KAT6A: variants seen among roughly 807,000 people sequenced by gnomAD.
The protein encoded by KAT6A is histone acetyltransferase KAT6A.
KAT6A carries 9 observed loss-of-function variants against 198.4 expected under a neutral mutation model. That is an observed-to-expected ratio of 0.05 (90% CI 0.03 to 0.08). The LOEUF (loss-of-function observed/expected upper bound fraction) is 0.08, where lower values mean the gene tolerates loss of function less well. Ranked by LOEUF, KAT6A falls within the 10% of genes least tolerant of loss-of-function variation. The probability of loss-of-function intolerance (pLI) is 1.00; values close to 1 mark genes in which losing one functional copy is unlikely to be tolerated. For missense variants in KAT6A, 2,077 were observed against 2,509.9 expected (o/e 0.83, Z 3.69); for synonymous variants, 890 against 883.0 (o/e 1.01, Z -0.14).
At chr8:41,994,583 C>T (rs1825101430) in intron 2 of KAT6A, among the ~76,000 whole-genome samples, 1 of 152,104 alleles carries the variant, frequency 6.6e-6, no homozygotes, top group African/African-American at 2.4e-5. Context: ...TCTAGCATTT[C>T]AAAGCAACCC....
intron 2 of KAT6A, among the ~76,000 whole-genome samples, chr8:42,002,448 C>T (rs1237653996): frequency 6.6e-6 from 1 of 152,184 alleles, no homozygotes; most frequent in Admixed American, 6.5e-5. Flanking sequence ...GTAATCCCAG[C>T]TACTCGGGAG....
At chr8:41,993,294 T>G (rs1825031491) in intron 2 of KAT6A, among the ~76,000 whole-genome samples, 1 of 152,176 alleles carries the variant, frequency 6.6e-6, no homozygotes, top group African/African-American at 2.4e-5. Flanking sequence ...ATAATCCCAG[T>G]CTTAGACCGT....
At chr8:42,043,013 A>ATAT (rs1286783169) in intron 2 of KAT6A, among the ~76,000 whole-genome samples, 1 of 152,204 alleles carries the variant, frequency 6.6e-6, no homozygotes, top group Non-Finnish European at 1.5e-5. Flanking sequence ...CCCACTAAAC[A>ATAT]TATTATTATT....
chr8:41,933,301 A>C lies in KAT6A; in HGVS notation c.4919T>G (p.Val1640Gly). The stretch of plus-strand genomic sequence containing the variant: ...CTGCTGGTTACTGGGAGGCCTCTCC[A>C]CCACGCAGCTCTGAGGTGACTTGAT... Reference protein sequence around the residue: ...CSIKSPQSCVVERPPSNQQQQ... With the variant: ...CSIKSPQSCVGERPPSNQQQQ... Residue 1640 changes from valine to glycine, a missense_variant, in exon 17 of 17, where the codon GTG (valine) becomes GGG (glycine). Physicochemically the swap from Val to Gly is moderately radical, Grantham distance 109. Around this residue, in one of 13 missense-constraint regions of KAT6A, gnomAD observed 500 missense variants for 577.2 expected, o/e 0.87. Transcript: ENST00000265713. The surrounding 1 kb of genome is among the most constrained non-coding windows in gnomAD (Gnocchi z 6.2). The C allele has an allele frequency of 2.5e-6, 4 of 1,579,532 alleles. No individual in the cohort carries two copies. Among genetic ancestry groups the C allele is most frequent in the Non-Finnish European group, 3.4e-6 (4 of 1,167,844 alleles).
intron 5 of KAT6A, among the ~76,000 whole-genome samples, chr8:41,980,110 T>A (rs1824275875): frequency 6.6e-6 from 1 of 152,192 alleles, no homozygotes. Context: ...CCTATAGGCA[T>A]TTTACTTAAG....
At chr8:41,998,214 A>G (rs1005535499) in intron 2 of KAT6A, among the ~76,000 whole-genome samples, 1 of 152,150 alleles carries the variant, frequency 6.6e-6, no homozygotes, top group Non-Finnish European at 1.5e-5. Flanking sequence ...ACAATTAGAA[A>G]CCAATTAAGT....
At chr8:41,978,539 G>T in intron 6 of KAT6A, 103 bp downstream of exon 6, 1 of 1,191,756 alleles carries the variant, frequency 8.4e-7, no homozygotes, top group Non-Finnish European at 1.2e-6. Flanking sequence ...AAAAGTGCCA[G>T]ATATGACAAT....
At position 42,005,559 on chromosome 8, in the gene KAT6A, G is replaced by T. The variant is rs534782429; in HGVS notation, c.601-17996C>A. Among the ~76,000 whole-genome samples the T allele has an allele frequency of 3.9e-5, 6 of 152,280 alleles. No homozygotes were observed. In the South Asian group the frequency reaches 1.2e-3, roughly 32 times the overall value. On this transcript the variant is annotated intron_variant, in intron 2 of 16. Coordinates refer to ENST00000265713, the MANE Select transcript of KAT6A (RefSeq NM_006766.5). ...GGTTTCATGCTGCAAATTTTTGGCA[G>T]ACATTCAACTCCTTCTGCTGTTTTC...
chr8:41,992,425 A>G (rs1187595316), intron 2 of KAT6A, among the ~76,000 whole-genome samples: 3 of 152,218 alleles, frequency 2.0e-5, no homozygotes, highest in Admixed American at 6.5e-5. Context: ...ACCTATTTAA[A>G]TGTAGAAGAG....
At chr8:41,967,690 C>G (rs1340332778) in intron 8 of KAT6A, among the ~76,000 whole-genome samples, 1 of 152,082 alleles carries the variant, frequency 6.6e-6, no homozygotes, top group Non-Finnish European at 1.5e-5. Context: ...TTAACCCGGT[C>G]TATCATTGTT....
chr8:42,039,287 T>C (rs934206322), intron 2 of KAT6A, among the ~76,000 whole-genome samples: 2 of 152,204 alleles, frequency 1.3e-5, no homozygotes, highest in Non-Finnish European at 2.9e-5. Flanking sequence ...AATCAGAGCA[T>C]GAAAAGTATT....
In KAT6A at chr8:42,049,102, G is replaced by T; in HGVS notation, c.-125C>A. On this transcript the variant is annotated 5_prime_UTR_variant, in exon 2 of 17. Transcript: ENST00000265713. ...GTTAACCATAGCATATGAGTTTTCT[G>T]GCCTAAGTCCTTCCTCCTTTCACAA... is the stretch of plus-strand genomic sequence containing the variant. 2 of 985,884 alleles carry T rather than the reference G, an allele frequency of 2.0e-6. No individual in the cohort carries two copies. Among genetic ancestry groups the T allele is most frequent in the Non-Finnish European group, 3.0e-6 (2 of 667,784 alleles). The allele number at this position is 985,884 out of a possible 1,614,324, so 61.1% of individuals were successfully genotyped here.
At chr8:42,023,099 TGTAA>T (rs1321894908) in intron 2 of KAT6A, among the ~76,000 whole-genome samples, 2 of 152,210 alleles carry the variant, frequency 1.3e-5, no homozygotes, top group Non-Finnish European at 2.9e-5. Flanking sequence ...TGAAGGCAAT[TGTAA>T]CACAATGGTA....
intron 2 of KAT6A, among the ~76,000 whole-genome samples, chr8:41,997,855 A>G (rs992969866): frequency 6.6e-6 from 1 of 152,156 alleles, no homozygotes; most frequent in Admixed American, 6.5e-5. Context: ...CAGCAGAGAC[A>G]TTATCTATAA....
intron 2 of KAT6A, among the ~76,000 whole-genome samples, chr8:42,024,949 T>G (rs1224077354): frequency 6.6e-6 from 1 of 152,208 alleles, no homozygotes. Context: ...TCTCCTTCCT[T>G]TAGATAAACA....
intron 2 of KAT6A, among the ~76,000 whole-genome samples, chr8:42,036,278 G>A (rs553455098): frequency 3.3e-5 from 5 of 152,184 alleles, no homozygotes; most frequent in Admixed American, 3.3e-4. Context: ...AAATTTGTAA[G>A]TGGCATCCCA....
chr8:42,031,366 A>T (rs1451701578), intron 2 of KAT6A, among the ~76,000 whole-genome samples: 1 of 152,194 alleles, frequency 6.6e-6, no homozygotes, highest in Non-Finnish European at 1.5e-5. Context: ...TCTAGAATAC[A>T]TCTGATACCC....
At position 41,930,993 on chromosome 8, in the gene KAT6A, A is replaced by G. The variant is rs1821513508; in HGVS notation, c.*1212T>C. On this transcript the variant is annotated 3_prime_UTR_variant, in exon 17 of 17. Transcript: ENST00000265713. ...ATCTCAAAAGACATACAAAAACTAG[A>G]GGTATGTATCACTTAAATAGCTACG... 1 of 211,978 alleles carries G rather than the reference A, an allele frequency of 4.7e-6. No individual in the cohort carries two copies. The highest frequency in any genetic ancestry group is 9.6e-6 in the Non-Finnish European group (1 of 104,652). 13.1% of individuals were successfully genotyped at this position (211,978 alleles called of 1,614,324 possible). A position where few individuals can be genotyped will look rare whatever the true frequency, so the allele number is the denominator to read the frequency against.
At chr8:41,975,962 T>A (rs1302405747) in intron 7 of KAT6A, among the ~76,000 whole-genome samples, 1 of 152,228 alleles carries the variant, frequency 6.6e-6, no homozygotes, top group Non-Finnish European at 1.5e-5. Context: ...TAGATAAACA[T>A]GCTCAGATCA....
Sources: allele counts gnomAD v4.1 joint callset (sites outside exome capture counted in the v4.1 genomes callset), GRCh38; gene constraint gnomAD v4.1.1; regional missense constraint gnomAD v4.1.1; non-coding constraint Gnocchi (gnomAD v3.1); transcripts MANE v1.5; gene names NCBI Gene and HGNC (gene_info 2026-07-23, HGNC 2026-07-21).